Variants in WFDC8 observed in about 807,000 individuals in gnomAD.
The protein encoded by WFDC8 is WAP four-disulfide core domain protein 8.
Under a neutral mutation model 27.0 loss-of-function variants are expected in WFDC8, and 24 were observed. That is an observed-to-expected ratio of 0.89 (90% CI 0.64 to 1.25). The LOEUF is 1.25. WFDC8 is among the 50% of genes most tolerant of loss of function. WFDC8 has a pLI of 0.00. For missense variants in WFDC8, 287 were observed against 295.9 expected, an observed-to-expected ratio of 0.97 and a Z score of 0.22; for synonymous variants, 106 against 99.7, an observed-to-expected ratio of 1.06 and a Z score of -0.38.
intron 2 of WFDC8, chr20:45,559,847 A>C (rs919060148): frequency 6.6e-6 from 1 of 152,402 alleles, no homozygotes; most frequent in African/African-American, 2.4e-5. Context: ...AGACAAGATC[A>C]GGAATTTTCA....
rs760007437 is a variant in WFDC8 at position 45,552,005 on chromosome 20, A to T, written c.*21T>A. 14 of 1,611,422 alleles carry T rather than the reference A, an allele frequency of 8.7e-6. No individual in the cohort carries two copies. In the Admixed American group the frequency reaches 2.0e-4, roughly 23 times the overall value. ...CTACTCATAATTAATGATTTTGATG[A>T]TAATATTTTCTACTTACTATTCAAC... On this transcript the variant is annotated 3_prime_UTR_variant, in exon 6 of 6. Transcript: ENST00000289953.
Position 45,576,088 on chromosome 20 carries a change from C to T in WFDC8, c.26+3134G>A, listed in dbSNP as rs1044464382. 4.0e-5 allele frequency among the ~76,000 whole-genome samples: 6 copies of T among 151,300 alleles called. No individual in the cohort carries two copies. In the South Asian group the frequency reaches 8.4e-4, roughly 21 times the overall value. ...TAGTCAGATATCTACATTCTGATACCGGAGAAGGATTGTCTCTAAATATTG... is the reference window on the plus strand; with the variant it reads ...TAGTCAGATATCTACATTCTGATACTGGAGAAGGATTGTCTCTAAATATTG... On this transcript the variant is annotated intron_variant, in intron 1 of 5. Coordinates refer to ENST00000289953, the MANE Select transcript of WFDC8 (RefSeq NM_130896.3).
intron 1 of WFDC8, among the ~76,000 whole-genome samples, chr20:45,563,647 T>G (rs6017621): frequency 6.6e-6 from 1 of 152,056 alleles, no homozygotes; most frequent in African/African-American, 2.4e-5. Context: ...TGCCAACAAA[T>G]GTTCCTATTA....
At chr20:45,558,531 A>AC (rs1168752589) in intron 3 of WFDC8, among the ~76,000 whole-genome samples, 1 of 152,236 alleles carries the variant, frequency 6.6e-6, no homozygotes, top group African/African-American at 2.4e-5. Context: ...AGTCTGAAAA[A>AC]CAATGCCAGC....
intron 3 of WFDC8, among the ~76,000 whole-genome samples, chr20:45,558,151 A>C (rs1458260130): frequency 6.6e-6 from 1 of 152,118 alleles, no homozygotes; most frequent in Non-Finnish European, 1.5e-5. Context: ...CAGTCATAGA[A>C]TTGCCCCCGC....
intron 2 of WFDC8, 34 bp from the exon 3 acceptor site, chr20:45,559,026 T>G: frequency 2.5e-6 from 4 of 1,611,294 alleles, no homozygotes; most frequent in Non-Finnish European, 3.4e-6. Flanking sequence ...TCACATTCTT[T>G]CGGAATTTCA....
chr20:45,551,886 A>T lies in WFDC8; in HGVS notation c.*140T>A, dbSNP rs1377771947. ...ATCATCACTTTCAGATGATGGGATT[A>T]TATATAAAATCAAAGTAACATCATT... is the stretch of plus-strand genomic sequence containing the variant. On this transcript the variant is annotated 3_prime_UTR_variant, in exon 6 of 6. Transcript: ENST00000289953. The T allele has an allele frequency of 9.6e-7, 1 of 1,046,098 alleles. No homozygotes were observed. The highest frequency in any genetic ancestry group is 1.6e-5 in the African/African-American group (1 of 62,044). 64.8% of individuals were successfully genotyped at this position (1,046,098 alleles called of 1,614,324 possible). A position where few individuals can be genotyped will look rare whatever the true frequency, so the allele number is the denominator to read the frequency against.
intron 3 of WFDC8, among the ~76,000 whole-genome samples, chr20:45,557,963 G>T (rs541470255): frequency 2.0e-5 from 3 of 152,100 alleles, no homozygotes; most frequent in Non-Finnish European, 4.4e-5. Context: ...ATCAACCAAC[G>T]TCACTCTGAG....
intron 1 of WFDC8, among the ~76,000 whole-genome samples, chr20:45,576,108 A>T (rs1426332966): frequency 1.3e-5 from 2 of 151,416 alleles, no homozygotes; most frequent in Non-Finnish European, 3.0e-5. Context: ...TTGTCTCTAA[A>T]TATTGAGTAC....
intron 4 of WFDC8, among the ~76,000 whole-genome samples, chr20:45,553,766 G>A (rs1980134332): frequency 6.6e-6 from 1 of 152,104 alleles, no homozygotes; most frequent in African/African-American, 2.4e-5. Flanking sequence ...GTAAGAAGAT[G>A]GCTCTTCAGA....
chr20:45,567,319 A>T (rs930584337), intron 1 of WFDC8, among the ~76,000 whole-genome samples: 5 of 152,230 alleles, frequency 3.3e-5, no homozygotes, highest in East Asian at 3.8e-4. Context: ...CACACACTCA[A>T]ATAATAAGCC....
At position 45,555,698 on chromosome 20, in the gene WFDC8, C is replaced by A. The variant is rs1242904530; in HGVS notation, c.445+3G>T. 2.5e-6 allele frequency: 4 copies of A among 1,612,232 alleles called. No homozygotes were observed. The highest frequency in any genetic ancestry group is 3.4e-6 in the Non-Finnish European group (4 of 1,179,946). ...CCTCAGATTTCCAGGATAGAGGTCTCACCAATTAACATGCAGGCCGTTCTG... is the reference window on the plus strand; with the variant it reads ...CCTCAGATTTCCAGGATAGAGGTCTAACCAATTAACATGCAGGCCGTTCTG... On this transcript the variant is annotated splice_donor_region_variant and intron_variant, in intron 4 of 5. Coordinates refer to ENST00000289953, the MANE Select transcript of WFDC8 (RefSeq NM_130896.3).
chr20:45,556,708 G>A (rs1980270140), intron 3 of WFDC8, among the ~76,000 whole-genome samples: 1 of 152,152 alleles, frequency 6.6e-6, no homozygotes, highest in Non-Finnish European at 1.5e-5. Flanking sequence ...AGCTCGATAG[G>A]TGGGTGCCTC....
rs185003470 is a variant in WFDC8, at chr20:45,554,195, T to C, written c.446-919A>G. 4.4e-3 allele frequency among the ~76,000 whole-genome samples: 664 copies of C among 152,062 alleles called. 5 individuals are homozygous for C. Among genetic ancestry groups the C allele is most frequent in the African/African-American group, 0.015 (634 of 41,462 alleles). The stretch of plus-strand genomic sequence containing the variant: ...GTGTTTTTGTTTTTGTTTTTGGTTT[T>C]GTTGTTGTTGTTTGTAGAAATTGGG... On this transcript the variant is annotated intron_variant, in intron 4 of 5. Coordinates refer to ENST00000289953, the MANE Select transcript of WFDC8 (RefSeq NM_130896.3).
At position 45,552,317 on chromosome 20, in the gene WFDC8, G is replaced by A. The variant is rs1033271618; in HGVS notation, c.587-152C>T. The A allele has an allele frequency of 1.1e-5, 10 of 901,472 alleles. No individual in the cohort carries two copies. The Admixed American group carries it at 1.4e-4, about 13-fold the overall frequency. The allele number at this position is 901,472 out of a possible 1,614,324, so 55.8% of individuals were successfully genotyped here. On this transcript the variant is annotated intron_variant, in intron 5 of 5. Transcript: ENST00000289953. ...GTAACAATAGACTGGAGGAGGCAGA[G>A]TATCAACTTTCTACGACTAATAACT... is the stretch of plus-strand genomic sequence containing the variant.
intron 1 of WFDC8, among the ~76,000 whole-genome samples, chr20:45,578,286 G>T (rs1981115168): frequency 6.6e-6 from 1 of 151,278 alleles, no homozygotes; most frequent in Non-Finnish European, 1.5e-5. Flanking sequence ...TGTTCACAGT[G>T]ACTTTACAGA....
chr20:45,559,359 G>A (rs1001435498), intron 2 of WFDC8, among the ~76,000 whole-genome samples: 2 of 152,128 alleles, frequency 1.3e-5, no homozygotes, highest in African/African-American at 4.8e-5. Flanking sequence ...AAGACTGGTG[G>A]GAACATCATG....
intron 1 of WFDC8, among the ~76,000 whole-genome samples, chr20:45,575,605 A>G (rs182953762): frequency 5.9e-5 from 9 of 151,450 alleles, no homozygotes; most frequent in Admixed American, 3.3e-4. Context: ...CCCAGAACCT[A>G]TCTTTTTGCC....
chr20:45,562,217 T>C lies in WFDC8; in HGVS notation c.29A>G (p.His10Arg), dbSNP rs376657979. The part of the protein sequence containing the change: MWTVRTEGG[H>R]FPLHSPTFSW... ...GAAGGTGGGGCTATGGAGAGGAAAG[T>C]GCCTGTATGGATGAGAAGAGAGGTG... Residue 10 changes from histidine (H) to arginine (R), a missense_variant and splice_region_variant, in exon 2 of 6, where the codon CAC becomes CGC. Transcript: ENST00000289953. 60 of 1,613,396 alleles carry C rather than the reference T, an allele frequency of 3.7e-5. No homozygotes were observed. In the African/African-American group the frequency reaches 7.1e-4, roughly 19 times the overall value.
Sources: allele counts gnomAD v4.1 joint callset (sites outside exome capture counted in the v4.1 genomes callset), GRCh38; gene constraint gnomAD v4.1.1; transcripts MANE v1.5; gene names NCBI Gene and HGNC (gene_info 2026-07-23, HGNC 2026-07-21).